The following MKLN1 variants were observed in gnomAD, a reference collection of about 807,000 sequenced individuals.
MKLN1 encodes the protein muskelin.
A neutral mutation model predicts 99.0 loss-of-function variants in MKLN1; 18 were observed. The ratio of observed to expected loss-of-function variants is 0.18; its 90% CI spans 0.13 to 0.27. The LOEUF (loss-of-function observed/expected upper bound fraction) is 0.27, where lower values mean the gene tolerates loss of function less well. MKLN1 is among the 10% of genes least tolerant of loss of function. MKLN1 has a pLI of 1.00. For synonymous variants in MKLN1, 288 were observed against 293.2 expected, an observed-to-expected ratio of 0.98 and a Z score of 0.18; for missense variants, 621 against 875.9, an observed-to-expected ratio of 0.71 and a Z score of 3.67.
rs1175927858 is a variant in MKLN1 at position 131,283,346 on chromosome 7, C to CTCCT, written c.-179+80425_-179+80428dup. Among the ~76,000 whole-genome samples the CTCCT allele has an allele frequency of 5.1e-3, 262 of 51,396 alleles. 2 individuals carry two copies. The highest frequency in any genetic ancestry group is 0.033 in the Middle Eastern group (3 of 92). The allele number at this position is 51,396 out of a possible 152,430, so 33.7% of individuals were successfully genotyped here. On this transcript the variant is annotated intron_variant, in intron 3 of 7. Transcript: ENST00000416992. The stretch of plus-strand genomic sequence containing the variant: ...CCCTCCCTCCTTCCCTTCCCTTCCC[C>CTCCT]TCCTTCCTTCCTTCCTTCCTTCCTT...
chr7:131,415,787 C>T (rs1795000965), intron 8 of MKLN1, among the ~76,000 whole-genome samples: 1 of 152,124 alleles, frequency 6.6e-6, no homozygotes, highest in Non-Finnish European at 1.5e-5. Context: ...GATTTATATA[C>T]AAACTGGTTT....
At position 131,311,952 on chromosome 7, in the gene MKLN1, A is replaced by C. The variant is rs991656067; in HGVS notation, c.-178-63472A>C. 3.9e-5 allele frequency among the ~76,000 whole-genome samples: 6 copies of C among 152,154 alleles called. No homozygotes were observed. The East Asian group carries it at 1.2e-3, about 29-fold the overall frequency. ...TCAGTATATTATTAATCCTAAGGCTAATTTCATTAAATCCTTATAAACAAA... is the reference window on the plus strand; with the variant it reads ...TCAGTATATTATTAATCCTAAGGCTCATTTCATTAAATCCTTATAAACAAA... On this transcript the variant is annotated intron_variant, in intron 3 of 7. Transcript: ENST00000416992.
At chr7:131,373,571 T>C (rs1666482615) in intron 1 of MKLN1, among the ~76,000 whole-genome samples, 2 of 152,192 alleles carry the variant, frequency 1.3e-5, no homozygotes, top group Non-Finnish European at 2.9e-5. Context: ...TTGGTATAAA[T>C]AAGTCTATAA....
At position 131,489,710 on chromosome 7, in the gene MKLN1, TA is replaced by T; in HGVS notation, c.*1984del. 1 of 152,316 alleles carries T rather than the reference TA, an allele frequency of 6.6e-6. No homozygotes were observed. Among genetic ancestry groups the T allele is most frequent in the East Asian group, 1.9e-4 (1 of 5,194 alleles). 9.4% of individuals were successfully genotyped at this position (152,316 alleles called of 1,614,324 possible). On this transcript the variant is annotated 3_prime_UTR_variant, in exon 18 of 18. Coordinates refer to ENST00000352689, the MANE Select transcript of MKLN1 (RefSeq NM_013255.5). ...CACCATTTATTTTTACAGTGCTTTG[TA>T]ATTTTTTTCATCAGTTCCTTAAATG...
At chr7:131,349,614 T>G (rs1471752094) in intron 1 of MKLN1, among the ~76,000 whole-genome samples, 1 of 152,216 alleles carries the variant, frequency 6.6e-6, no homozygotes, top group Non-Finnish European at 1.5e-5. Context: ...TTGCATTAGG[T>G]AGAAAAGGGA....
In MKLN1 at chr7:131,283,384, CCTTCCTTCCTTCCTTCCTCT is replaced by C. The variant is rs1348160257; in HGVS notation, c.-179+80413_-179+80432del. Among the ~76,000 whole-genome samples the C allele has an allele frequency of 9.7e-3, 1,040 of 107,498 alleles. 28 individuals carry two copies. Among genetic ancestry groups the C allele is most frequent in the African/African-American group, 0.031 (848 of 27,392 alleles). 70.5% of individuals were successfully genotyped at this position (107,498 alleles called of 152,430 possible). A position where few individuals can be genotyped will look rare whatever the true frequency, so the allele number is the denominator to read the frequency against. On this transcript the variant is annotated intron_variant, in intron 3 of 7. Transcript: ENST00000416992. ...TCCTTCCTTCCTTCCTTCCTTCCTT[CCTTCCTTCCTTCCTTCCTCT>C]CTCTCTCTTTACTGCTTTCTTTCTT... is the stretch of plus-strand genomic sequence containing the variant.
intron 1 of MKLN1, among the ~76,000 whole-genome samples, chr7:131,133,353 C>CTTTTTT (rs1198245681): frequency 5.8e-4 from 54 of 93,608 alleles, no homozygotes; most frequent in Non-Finnish European, 6.9e-4. Flanking sequence ...TTCTTTCTTT[C>CTTTTTT]TTTTTTTTTT....
At chr7:131,411,559 G>A (rs1040994344) in intron 7 of MKLN1, among the ~76,000 whole-genome samples, 176 bp downstream of exon 7, 2 of 150,986 alleles carry the variant, frequency 1.3e-5, no homozygotes, top group Non-Finnish European at 2.9e-5. Context: ...GATTGCTTGA[G>A]CCCAGAGGTT....
intron 8 of MKLN1, among the ~76,000 whole-genome samples, chr7:131,425,063 A>T (rs569647922): frequency 6.6e-6 from 1 of 152,150 alleles, no homozygotes; most frequent in Non-Finnish European, 1.5e-5. Context: ...TGCATTATTT[A>T]ATTTAATTTA....
At chr7:131,297,158 G>T (rs1245690760) in intron 3 of MKLN1, among the ~76,000 whole-genome samples, 1 of 152,088 alleles carries the variant, frequency 6.6e-6, no homozygotes, top group Non-Finnish European at 1.5e-5. Context: ...ACAGGAGATT[G>T]AGAACAGCCT....
chr7:131,206,540 T>A (rs1447836092), intron 3 of MKLN1, among the ~76,000 whole-genome samples: 1 of 149,036 alleles, frequency 6.7e-6, no homozygotes, highest in Non-Finnish European at 1.5e-5. Context: ...GTATAATTAT[T>A]ATTATTATTA....
intron 6 of MKLN1, among the ~76,000 whole-genome samples, chr7:131,410,248 A>G (rs553044861): frequency 2.6e-5 from 4 of 152,208 alleles, no homozygotes; most frequent in Non-Finnish European, 5.9e-5. Context: ...TAAGGAAAAC[A>G]TGGTAGAACT....
At chr7:131,427,981 TAGTG>T (rs1438196792) in intron 8 of MKLN1, among the ~76,000 whole-genome samples, 8 of 151,988 alleles carry the variant, frequency 5.3e-5, no homozygotes, top group East Asian at 3.9e-4. Flanking sequence ...CTGGACAACA[TAGTG>T]AGCCCCTGTC....
rs1563247206 is a variant in MKLN1 at position 131,192,110 on chromosome 7, T to TATATATATACGTATATATATAAAA, written c.-296-10727_-296-10704dup. Among the ~76,000 whole-genome samples the TATATATATACGTATATATATAAAA allele has an allele frequency of 5.4e-5, 4 of 74,692 alleles. 1 individual carries two copies. Among genetic ancestry groups the TATATATATACGTATATATATAAAA allele is most frequent in the Non-Finnish European group, 1.0e-4 (4 of 40,016 alleles). The allele number at this position is 74,692 out of a possible 152,430, so 49.0% of individuals were successfully genotyped here. A position where few individuals can be genotyped will look rare whatever the true frequency, so the allele number is the denominator to read the frequency against. On this transcript the variant is annotated intron_variant, in intron 2 of 7. Coordinates refer to the MKLN1 transcript ENST00000416992. The stretch of plus-strand genomic sequence containing the variant: ...ATTATATATATATGTATATATATAT[T>TATATATATACGTATATATATAAAA]ATATATATACGTATATATATAAAAA...
chr7:131,284,535 G>A (rs912533181), intron 3 of MKLN1, among the ~76,000 whole-genome samples: 3 of 152,286 alleles, frequency 2.0e-5, no homozygotes, highest in Admixed American at 6.5e-5. Context: ...AGGAAAGGGT[G>A]GGGAAGTACC....
intron 6 of MKLN1, among the ~76,000 whole-genome samples, chr7:131,404,945 C>CAAAA (rs1794656684): frequency 6.6e-6 from 1 of 152,010 alleles, no homozygotes; most frequent in South Asian, 2.1e-4. Flanking sequence ...AACAAACAAA[C>CAAAA]AAACACTTTC....
chr7:131,160,100 G>T (rs1796024928), intron 2 of MKLN1, among the ~76,000 whole-genome samples: 2 of 151,948 alleles, frequency 1.3e-5, no homozygotes, highest in African/African-American at 4.8e-5. Flanking sequence ...CACAGACCCT[G>T]GCAACCACTT....
At chr7:131,340,112 C>G (rs531729576) in intron 1 of MKLN1, among the ~76,000 whole-genome samples, 3 of 152,076 alleles carry the variant, frequency 2.0e-5, no homozygotes, top group Non-Finnish European at 2.9e-5. Context: ...GTCATAAAAT[C>G]TAACTCCTGT....
intron 3 of MKLN1, among the ~76,000 whole-genome samples, chr7:131,307,329 A>G (rs555045220): frequency 5.5e-4 from 84 of 152,244 alleles, no homozygotes; most frequent in African/African-American, 1.9e-3. Context: ...GCAGAGGGGA[A>G]ATGTGGAATG....
Sources: allele counts gnomAD v4.1 joint callset (sites outside exome capture counted in the v4.1 genomes callset), GRCh38; gene constraint gnomAD v4.1.1; transcripts MANE v1.5; gene names NCBI Gene and HGNC (gene_info 2026-07-23, HGNC 2026-07-21).